Variants in ADCY9 observed in about 807,000 individuals in gnomAD.
ADCY9 encodes the protein adenylate cyclase 9.
Under a neutral mutation model 101.5 loss-of-function variants are expected in ADCY9, and 50 were observed. That is an observed-to-expected ratio of 0.49 (90% CI 0.39 to 0.62). ADCY9 has a LOEUF of 0.62. Among genes scored for constraint, ADCY9 ranks in the 20% least tolerant of loss-of-function variants. ADCY9 has a pLI of 0.00. For synonymous variants in ADCY9, 905 were observed against 769.3 expected, an observed-to-expected ratio of 1.18 and a Z score of -2.92; for missense variants, 1,662 against 1,800.4, an observed-to-expected ratio of 0.92 and a Z score of 1.39.
intron 2 of ADCY9, among the ~76,000 whole-genome samples, chr16:4,028,556 A>G (rs1302188791): frequency 1.3e-5 from 2 of 152,204 alleles, no homozygotes; most frequent in African/African-American, 4.8e-5. Context: ...AAGCAAATCT[A>G]TAGACACAGA....
At position 3,966,749 on chromosome 16, in the gene ADCY9, A is replaced by G. The variant is rs767235806; in HGVS notation, c.3088T>C (p.Trp1030Arg). The G allele has an allele frequency of 6.2e-7, 1 of 1,614,196 alleles. No individual in the cohort carries two copies. The highest frequency in any genetic ancestry group is 8.5e-7 in the Non-Finnish European group (1 of 1,180,022). Reference protein sequence around the residue: ...KIQSMRDQADWLLRNIIPYHV... With the variant: ...KIQSMRDQADRLLRNIIPYHV... The stretch of plus-strand genomic sequence containing the variant: ...TAGGGGATGATGTTCCTCAGCAGCC[A>G]GTCTGCCTGGTCCCGCATGCTCTGG... The change falls in exon 11 of 11, where the codon TGG becomes CGG. Residue 1030 changes from tryptophan (W) to arginine (R), a missense_variant. Around this residue, in one of 5 missense-constraint regions of ADCY9, gnomAD observed 220 missense variants for 312.9 expected, o/e 0.70. Coordinates refer to ENST00000294016, the MANE Select transcript of ADCY9 (RefSeq NM_001116.4).
Position 3,965,905 on chromosome 16 carries a change from G to C in ADCY9, c.3932C>G (p.Pro1311Arg). 1 of 1,614,108 alleles carries C rather than the reference G, an allele frequency of 6.2e-7. No individual in the cohort carries two copies. Among genetic ancestry groups the C allele is most frequent in the Middle Eastern group, 1.6e-4 (1 of 6,062 alleles). The change falls in exon 11 of 11, where the codon CCG (proline) becomes CGG (arginine). Residue 1311 changes from proline (P) to arginine (R), a missense_variant. Around this residue, in one of 5 missense-constraint regions of ADCY9, gnomAD observed 168 missense variants for 155.3 expected, o/e 1.08. Transcript: ENST00000294016. Reference sequence around the variant, plus strand: ...TTCGGCTTTGACGGGCTCCTTCCACGGTCTCTTGGGGGACAGGTGGGCATC... The same window carrying C: ...TTCGGCTTTGACGGGCTCCTTCCACCGTCTCTTGGGGGACAGGTGGGCATC... ...AKDAHLSPKRPWKEPVKAEER... is the reference protein window; with the variant it reads ...AKDAHLSPKRRWKEPVKAEER...
chr16:3,979,140 G>A lies in ADCY9; in HGVS notation c.2655C>T (p.Thr885=). Residue 885 remains threonine (T), a synonymous_variant, in exon 8 of 11, where the codon ACC becomes ACT. Coordinates refer to ENST00000294016, the MANE Select transcript of ADCY9 (RefSeq NM_001116.4). ...LPALAVYSHV[T]SEYETNIHFP... Reference sequence around the variant, plus strand: ...CGTGTATGTTGGTCTCATATTCGGAGGTGACATGGGAGTAGACGGCCAGTG... The same window carrying A: ...CGTGTATGTTGGTCTCATATTCGGAAGTGACATGGGAGTAGACGGCCAGTG... 6.2e-7 allele frequency: 1 copy of A among 1,614,230 alleles called. No homozygotes were observed. The highest frequency in any genetic ancestry group is 1.7e-5 in the Admixed American group (1 of 60,018).
intron 2 of ADCY9, among the ~76,000 whole-genome samples, chr16:4,045,724 G>A (rs1192874167): frequency 6.6e-6 from 1 of 151,634 alleles, no homozygotes; most frequent in Admixed American, 6.6e-5. Flanking sequence ...TTTGAGATAG[G>A]GTCTCACTCT....
At chr16:4,093,302 G>A (rs911443050) in intron 2 of ADCY9, among the ~76,000 whole-genome samples, 2 of 152,148 alleles carry the variant, frequency 1.3e-5, no homozygotes, top group Non-Finnish European at 2.9e-5. Context: ...TGCTGTCCCC[G>A]AAGCTCTCTA....
At chr16:4,060,227 A>G (rs2056766551) in intron 2 of ADCY9, among the ~76,000 whole-genome samples, 1 of 152,228 alleles carries the variant, frequency 6.6e-6, no homozygotes, top group Non-Finnish European at 1.5e-5. Context: ...AGACCAGCCA[A>G]AAACCTAGCC....
intron 2 of ADCY9, among the ~76,000 whole-genome samples, chr16:4,022,490 C>CAAAAAAAA (rs58498676): frequency 2.5e-4 from 16 of 65,018 alleles, no homozygotes; most frequent in Non-Finnish European, 2.7e-4. Context: ...GACTCCGTCT[C>CAAAAAAAA]AAAAAAAAAA....
chr16:4,087,114 C>T (rs892421989), intron 2 of ADCY9, among the ~76,000 whole-genome samples: 1 of 152,066 alleles, frequency 6.6e-6, no homozygotes, highest in African/African-American at 2.4e-5. Context: ...ATGTGAAATC[C>T]ACTCTGGCTT....
intron 10 of ADCY9, among the ~76,000 whole-genome samples, chr16:3,969,613 T>TACACG (rs1491520639): frequency 7.4e-5 from 6 of 81,038 alleles, no homozygotes; most frequent in African/African-American, 1.3e-4. Flanking sequence ...TATATATGTA[T>TACACG]TTTTTTTTTT....
Position 3,965,459 on chromosome 16 carries a change from C to A in ADCY9, c.*316G>T. ...TTTTGTTCTAAAAGTCAAATAATAC[C>A]CAAAGCCATGATCTCCACTGGCGGC... On this transcript the variant is annotated 3_prime_UTR_variant, in exon 11 of 11. Transcript: ENST00000294016. 2 of 368,168 alleles carry A rather than the reference C, an allele frequency of 5.4e-6. No homozygotes were observed. Among genetic ancestry groups the A allele is most frequent in the South Asian group, 6.3e-5 (1 of 15,972 alleles). 22.8% of individuals were successfully genotyped at this position (368,168 alleles called of 1,614,324 possible). A position where few individuals can be genotyped will look rare whatever the true frequency, so the allele number is the denominator to read the frequency against.
chr16:4,024,265 G>A (rs1282707779), intron 2 of ADCY9, among the ~76,000 whole-genome samples: 1 of 151,942 alleles, frequency 6.6e-6, no homozygotes. Context: ...TCATGATCCG[G>A]CCACCTCAGC....
intron 5 of ADCY9, among the ~76,000 whole-genome samples, chr16:3,955,251 G>A (rs1041960409): frequency 1.3e-5 from 2 of 151,692 alleles, no homozygotes; most frequent in Admixed American, 6.6e-5. Flanking sequence ...TGGACCAGGC[G>A]AGGTGGCTCA....
At chr16:4,008,047 A>G (rs1436237026) in intron 2 of ADCY9, among the ~76,000 whole-genome samples, 1 of 151,484 alleles carries the variant, frequency 6.6e-6, no homozygotes, top group Non-Finnish European at 1.5e-5. Context: ...GAAAAACAAG[A>G]CCCTACCAGG....
In ADCY9 at chr16:3,967,325, GTTTTTCTTTTC is replaced by G. The variant is rs1185327406; in HGVS notation, c.2871-370_2871-360del. On this transcript the variant is annotated intron_variant, in intron 10 of 10. Coordinates refer to ENST00000294016, the MANE Select transcript of ADCY9 (RefSeq NM_001116.4). ...CATCTTTAGTAAGTGCTTGGTAATC[GTTTTTCTTTTC>G]TTTTTCTTTTTCTTTTTTTTTAGAA... Among the ~76,000 whole-genome samples the G allele has an allele frequency of 6.6e-5, 10 of 150,544 alleles. No individual in the cohort carries two copies. The East Asian group carries it at 2.0e-3, about 30-fold the overall frequency.
chr16:4,055,665 C>G (rs1394217905), intron 2 of ADCY9, among the ~76,000 whole-genome samples: 1 of 151,988 alleles, frequency 6.6e-6, no homozygotes, highest in Non-Finnish European at 1.5e-5. Context: ...AACCCCGTCT[C>G]TACTAAAAAT....
In ADCY9 at chr16:4,115,510, G is replaced by A. The variant is rs979400843; in HGVS notation, c.-43-25C>T. 3 of 1,460,030 alleles carry A rather than the reference G, an allele frequency of 2.1e-6. No homozygotes were observed. The South Asian group carries it at 4.1e-5, about 20-fold the overall frequency. 90.4% of individuals were successfully genotyped at this position (1,460,030 alleles called of 1,614,324 possible). ...CCTGCCAGCAAAACGGGGAGAGTTA[G>A]CGGCGCTCCCACCTAGGCATGCACG... On this transcript the variant is annotated intron_variant, in intron 1 of 10. Coordinates refer to ENST00000294016, the MANE Select transcript of ADCY9 (RefSeq NM_001116.4). The surrounding 1 kb of genome is among the most constrained non-coding windows in gnomAD (Gnocchi z 6.2).
chr16:4,112,889 T>A (rs1379564316), intron 2 of ADCY9, among the ~76,000 whole-genome samples: 1 of 152,146 alleles, frequency 6.6e-6, no homozygotes, highest in African/African-American at 2.4e-5. Context: ...AATATCATTT[T>A]CCAGATCTCA....
At chr16:3,995,257 G>A (rs368173179) in intron 3 of ADCY9, among the ~76,000 whole-genome samples, 7 of 152,014 alleles carry the variant, frequency 4.6e-5, no homozygotes, top group African/African-American at 9.7e-5. Context: ...GCAAAACCCT[G>A]CCTCAACAAA....
At chr16:4,055,054 G>A (rs941085835) in intron 2 of ADCY9, among the ~76,000 whole-genome samples, 3 of 152,260 alleles carry the variant, frequency 2.0e-5, no homozygotes, top group Non-Finnish European at 4.4e-5. Flanking sequence ...GTCAGAAAGA[G>A]GCAGAGAGCA....
Sources: allele counts gnomAD v4.1 joint callset (sites outside exome capture counted in the v4.1 genomes callset), GRCh38; gene constraint gnomAD v4.1.1; regional missense constraint gnomAD v4.1.1; non-coding constraint Gnocchi (gnomAD v3.1); transcripts MANE v1.5; gene names NCBI Gene and HGNC (gene_info 2026-07-23, HGNC 2026-07-21).